The following SAMTOR variants were observed in gnomAD, a reference collection of about 807,000 sequenced individuals.
SAMTOR encodes the protein S-adenosylmethionine sensor upstream of mTORC1, also known as UPF0532 protein C7orf60.
the SAMTOR span, among the ~76,000 whole-genome samples, chr7:112,837,182 T>A: frequency 3.5e-4 from 54 of 152,168 alleles, no homozygotes; most frequent in African/African-American, 1.3e-3. Context: ...CTAGGTATTT[T>A]ATTCTTTTTG....
chr7:112,861,370 G>A, the SAMTOR span, among the ~76,000 whole-genome samples: 1 of 152,134 alleles, frequency 6.6e-6, no homozygotes, highest in Middle Eastern at 3.2e-3. Context: ...AGCTGAGTGT[G>A]GTGGCATGCA....
At chr7:112,915,469 A>T in the SAMTOR span, 1 of 1,558,460 alleles carries the variant, frequency 6.4e-7, no homozygotes. Context: ...GTGATAAATG[A>T]ATTAAGTTTA....
At chr7:112,860,452 G>A in the SAMTOR span, among the ~76,000 whole-genome samples, 5 of 152,012 alleles carry the variant, frequency 3.3e-5, no homozygotes, top group East Asian at 1.9e-4. Context: ...CCTGCTATTC[G>A]TTCCCTTATT....
At chr7:112,915,175 T>G in the SAMTOR span, 6 of 738,222 alleles carry the variant, frequency 8.1e-6, no homozygotes, top group South Asian at 7.0e-5. Flanking sequence ...GAGGTGGAGG[T>G]TGCAGTGAGC....
At chr7:112,906,766 T>C in the SAMTOR span, among the ~76,000 whole-genome samples, 5 of 152,004 alleles carry the variant, frequency 3.3e-5, no homozygotes, top group African/African-American at 9.7e-5. Flanking sequence ...GGGACAGGGA[T>C]TCACCATGTT....
chr7:112,865,696 T>C, the SAMTOR span, among the ~76,000 whole-genome samples: 2 of 140,190 alleles, frequency 1.4e-5, no homozygotes, highest in South Asian at 4.4e-4. Context: ...ATTTCATATA[T>C]ACATATATTC....
the SAMTOR span, among the ~76,000 whole-genome samples, chr7:112,850,126 G>A: frequency 6.6e-6 from 1 of 152,254 alleles, no homozygotes; most frequent in East Asian, 1.9e-4. Flanking sequence ...GCTTGGACCC[G>A]GGAGGCGGAG....
At chr7:112,898,573 G>C in the SAMTOR span, among the ~76,000 whole-genome samples, 1 of 152,162 alleles carries the variant, frequency 6.6e-6, no homozygotes, top group African/African-American at 2.4e-5. Flanking sequence ...CCTCTGCCCT[G>C]GGGGGATGGA....
the SAMTOR span, among the ~76,000 whole-genome samples, chr7:112,853,960 A>G: frequency 9.2e-5 from 14 of 152,092 alleles, no homozygotes; most frequent in Non-Finnish European, 1.9e-4. Context: ...AAATGCGTTG[A>G]GAGTCAGTTT....
chr7:112,922,773 T>C, the SAMTOR span, among the ~76,000 whole-genome samples: 1,559 of 150,112 alleles, frequency 0.01, 26 homozygotes, highest in African/African-American at 0.036. Context: ...CCACCCTGTC[T>C]GGGAGGGAGG....
At chr7:112,909,618 A>C in the SAMTOR span, among the ~76,000 whole-genome samples, 7 of 151,968 alleles carry the variant, frequency 4.6e-5, no homozygotes, top group Non-Finnish European at 7.4e-5. Context: ...CTTACATTTC[A>C]GTTATTTTAT....
chr7:112,879,355 A>G, the SAMTOR span, among the ~76,000 whole-genome samples: 2 of 151,942 alleles, frequency 1.3e-5, no homozygotes, highest in African/African-American at 4.8e-5. Context: ...CCAACAATTA[A>G]GAGAGACACA....
the SAMTOR span, among the ~76,000 whole-genome samples, chr7:112,883,315 G>A: frequency 6.6e-6 from 1 of 151,682 alleles, no homozygotes; most frequent in Non-Finnish European, 1.5e-5. Flanking sequence ...CTTTCCTTTT[G>A]TCTGTCTCTT....
the SAMTOR span, among the ~76,000 whole-genome samples, chr7:112,829,196 ATTG>A: frequency 6.6e-6 from 1 of 151,778 alleles, no homozygotes; most frequent in Non-Finnish European, 1.5e-5. Context: ...GATAGCTGCT[ATTG>A]TTGTATCTTC....
chr7:112,871,866 G>A, the SAMTOR span, among the ~76,000 whole-genome samples: 11 of 152,152 alleles, frequency 7.2e-5, no homozygotes, highest in Non-Finnish European at 1.5e-4. Context: ...AGACTACTAC[G>A]AACACCTCTA....
the SAMTOR span, among the ~76,000 whole-genome samples, chr7:112,928,679 T>C: frequency 9.9e-5 from 15 of 152,074 alleles, no homozygotes; most frequent in Admixed American, 5.2e-4. Context: ...TTTCAATAAA[T>C]AGCAGTCACT....
chr7:112,919,501 G>T, the SAMTOR span, among the ~76,000 whole-genome samples: 1 of 151,802 alleles, frequency 6.6e-6, no homozygotes, highest in East Asian at 1.9e-4. Context: ...AAGCAGGAAA[G>T]ATCCAAAATT....
the SAMTOR span, among the ~76,000 whole-genome samples, chr7:112,921,193 A>G: frequency 6.6e-6 from 1 of 152,192 alleles, no homozygotes; most frequent in Admixed American, 6.5e-5. Flanking sequence ...CTGACTTCAA[A>G]CTATACTACA....
At chr7:112,882,732 T>TAACTTCC in the SAMTOR span, among the ~76,000 whole-genome samples, 1 of 147,032 alleles carries the variant, frequency 6.8e-6, no homozygotes, top group East Asian at 2.0e-4. Context: ...ACAAAAAATT[T>TAACTTCC]AACTTCCTCC....
Sources: gnomAD v4.1 joint callset for allele counts (sites outside exome capture counted in the v4.1 genomes callset) on GRCh38, gnomAD v4.1.1 for gene constraint, MANE v1.5 for transcripts, NCBI Gene and HGNC (gene_info 2026-07-23, HGNC 2026-07-21) for gene names.